ZNF541: variants seen among roughly 807,000 people sequenced by gnomAD.
The protein encoded by ZNF541 is zinc finger protein 541.
In ZNF541, 23 loss-of-function variants were observed where a neutral mutation model predicts 123.5. That is an observed-to-expected ratio of 0.19 (90% confidence interval 0.13 to 0.26). ZNF541 has a LOEUF of 0.26. Ranked by LOEUF, ZNF541 falls within the 10% of genes least tolerant of loss-of-function variation. The pLI is 1.00. For synonymous variants in ZNF541, 751 were observed against 754.5 expected (o/e 1.00, Z 0.08); for missense variants, 1,612 against 1,789.9 (o/e 0.90, Z 1.79).
chr19:47,522,266 G>T (rs1969071558), intron 14 of ZNF541, among the ~76,000 whole-genome samples: 1 of 152,188 alleles, frequency 6.6e-6, no homozygotes, highest in Admixed American at 6.5e-5. Flanking sequence ...AGGAAGATGG[G>T]CACAAAGGTT....
At chr19:47,552,378 G>T (rs1179376940) in intron 3 of ZNF541, among the ~76,000 whole-genome samples, 1 of 152,056 alleles carries the variant, frequency 6.6e-6, no homozygotes, top group East Asian at 1.9e-4. Flanking sequence ...TCCTGCCTGT[G>T]GCCATTTGTC....
intron 2 of ZNF541, among the ~76,000 whole-genome samples, chr19:47,564,474 T>G (rs1413185345): frequency 6.6e-6 from 1 of 152,220 alleles, no homozygotes; most frequent in East Asian, 1.9e-4. Flanking sequence ...AGGCAGAGTT[T>G]ATGGTCTCCT....
rs1968993826 is a variant in ZNF541, at chr19:47,520,919, C to T, written c.*305G>A. 3.0e-6 allele frequency: 1 copy of T among 335,928 alleles called. No homozygotes were observed. The highest frequency in any genetic ancestry group is 2.1e-5 in the African/African-American group (1 of 48,296). 20.8% of individuals were successfully genotyped at this position (335,928 alleles called of 1,614,324 possible). The stretch of plus-strand genomic sequence containing the variant: ...AACTGAGGCTAAGATTTAAGAGCTA[C>T]CCAGAGCTAAATTTTCCCCTCCCCA... On this transcript the variant is annotated 3_prime_UTR_variant, in exon 17 of 17. Transcript: ENST00000391901.
chr19:47,533,017 T>C, intron 9 of ZNF541, 45 bp from the exon 10 acceptor site: 1 of 1,526,722 alleles, frequency 6.5e-7, no homozygotes, highest in Non-Finnish European at 8.8e-7. Context: ...AGACAGCAGG[T>C]AACCGACAGG....
intron 2 of ZNF541, among the ~76,000 whole-genome samples, chr19:47,563,688 C>T (rs1971153758): frequency 2.6e-5 from 4 of 152,156 alleles, no homozygotes; most frequent in African/African-American, 9.7e-5. Context: ...CTCACTGCAA[C>T]CTCTGCCTCC....
At chr19:47,551,230 G>C (rs1970586917) in intron 3 of ZNF541, among the ~76,000 whole-genome samples, 1 of 151,914 alleles carries the variant, frequency 6.6e-6, no homozygotes, top group Non-Finnish European at 1.5e-5. Flanking sequence ...AGTAGAGATG[G>C]GGTTTCACCA....
rs562262597 is a variant in ZNF541, at chr19:47,528,667, G to C, written c.3570+283C>G. ...TACCTATATATATAAAATTTGTACA[G>C]ACAGAAATGCCTGTTGCTTGGTGGA... On this transcript the variant is annotated intron_variant, in intron 14 of 16. Transcript: ENST00000391901. Among the ~76,000 whole-genome samples the C allele has an allele frequency of 4.2e-4, 64 of 152,140 alleles. 1 individual carries two copies. The South Asian group carries it at 0.013, about 31-fold the overall frequency.
intron 14 of ZNF541, among the ~76,000 whole-genome samples, chr19:47,522,711 G>A (rs549333519): frequency 3.3e-5 from 5 of 150,438 alleles, no homozygotes; most frequent in Admixed American, 3.3e-4. Flanking sequence ...CGAGATGATC[G>A]CTTGAGCCCA....
chr19:47,543,768 G>C (rs1363237192), intron 5 of ZNF541, among the ~76,000 whole-genome samples: 4 of 151,474 alleles, frequency 2.6e-5, no homozygotes, highest in Admixed American at 6.6e-5. Context: ...TCAGCCTCTC[G>C]AGTAGCTGGG....
intron 4 of ZNF541, among the ~76,000 whole-genome samples, chr19:47,548,442 C>CAA (rs574466068): frequency 0.017 from 1,024 of 60,174 alleles, 26 homozygotes; most frequent in Middle Eastern, 0.078. Flanking sequence ...GACTCCATCT[C>CAA]AAAAAAAAAA....
intron 14 of ZNF541, 136 bp downstream of exon 14, chr19:47,528,814 T>C: frequency 1.5e-6 from 1 of 649,978 alleles, no homozygotes; most frequent in South Asian, 1.9e-5. Flanking sequence ...TTTTTGACAT[T>C]GTAAACTGTC....
intron 13 of ZNF541, 82 bp downstream of exon 13, chr19:47,529,495 A>G (rs2122934546): frequency 2.1e-6 from 3 of 1,402,934 alleles, no homozygotes; most frequent in South Asian, 2.5e-5. Context: ...TCCAGGAGGC[A>G]GGGGCAGAGC....
intron 4 of ZNF541, among the ~76,000 whole-genome samples, chr19:47,548,039 A>G (rs1970429795): frequency 7.0e-6 from 1 of 142,200 alleles, no homozygotes; most frequent in Non-Finnish European, 1.5e-5. Context: ...AGACTGTCCA[A>G]AAAAAAAAAA....
chr19:47,536,244 A>G (rs1409624871), intron 9 of ZNF541, among the ~76,000 whole-genome samples: 1 of 152,126 alleles, frequency 6.6e-6, no homozygotes, highest in Non-Finnish European at 1.5e-5. Context: ...TGAACATGTC[A>G]CAGTGCTGCA....
At chr19:47,557,586 C>A (rs964770070) in intron 2 of ZNF541, among the ~76,000 whole-genome samples, 32 of 152,054 alleles carry the variant, frequency 2.1e-4, no homozygotes, top group African/African-American at 7.0e-4. Flanking sequence ...ACATCTGTAA[C>A]CCCAACACTT....
At chr19:47,528,850 G>A in intron 14 of ZNF541, 100 bp downstream of exon 14, 3 of 844,396 alleles carry the variant, frequency 3.6e-6, no homozygotes, top group Non-Finnish European at 5.7e-6. Context: ...GCCACAGGCA[G>A]GTGAGGGTGG....
intron 9 of ZNF541, among the ~76,000 whole-genome samples, chr19:47,537,029 C>A (rs1441290174): frequency 6.6e-6 from 1 of 152,120 alleles, no homozygotes; most frequent in Non-Finnish European, 1.5e-5. Context: ...CCTGAATAGG[C>A]AAATCCAAAG....
chr19:47,571,870 G>C (rs2123457478), intron 2 of ZNF541, among the ~76,000 whole-genome samples, 26 bp downstream of exon 2: 1 of 152,284 alleles, frequency 6.6e-6, no homozygotes, highest in South Asian at 2.1e-4. Context: ...GGTGTCTTTG[G>C]CTCAGTGCAA....
chr19:47,529,437 G>A (rs531416351), intron 13 of ZNF541, 140 bp downstream of exon 13: 18 of 809,006 alleles, frequency 2.2e-5, no homozygotes, highest in African/African-American at 1.6e-4. Flanking sequence ...GAGTCATCCC[G>A]ACAAGGACAG....
Sources: allele counts gnomAD v4.1 joint callset (sites outside exome capture counted in the v4.1 genomes callset), GRCh38; gene constraint gnomAD v4.1.1; transcripts MANE v1.5; gene names NCBI Gene and HGNC (gene_info 2026-07-23, HGNC 2026-07-21).